Variants in CSGALNACT1 observed in about 807,000 individuals in gnomAD.
The protein encoded by CSGALNACT1 is chondroitin sulfate N-acetylgalactosaminyltransferase 1.
A neutral mutation model predicts 51.0 loss-of-function variants in CSGALNACT1; 52 were observed. The ratio of observed to expected loss-of-function variants is 1.02; its 90% CI spans 0.82 to 1.29. The LOEUF is 1.29. Ranked by LOEUF, CSGALNACT1 falls within the 50% of genes most tolerant of loss-of-function variation. CSGALNACT1 has a pLI of 0.00. For missense variants in CSGALNACT1, 935 were observed against 679.2 expected, an observed-to-expected ratio of 1.38 and a Z score of -4.19; for synonymous variants, 341 against 254.4, an observed-to-expected ratio of 1.34 and a Z score of -3.24.
At chr8:19,672,117 C>G (rs2059838985) in intron 1 of CSGALNACT1, among the ~76,000 whole-genome samples, 1 of 152,186 alleles carries the variant, frequency 6.6e-6, no homozygotes, top group South Asian at 2.1e-4. Flanking sequence ...TATCTTAAAG[C>G]AATGTGCTCA....
chr8:19,670,288 T>G lies in CSGALNACT1; in HGVS notation c.-544+12185A>C, dbSNP rs141900107. ...TATAACTAGTAGAATCTCAGTGAGC[T>G]TTTGTGGAATTGAATAATCTGTTAC... On this transcript the variant is annotated intron_variant, in intron 1 of 9. Coordinates refer to the CSGALNACT1 transcript ENST00000332246. Among the ~76,000 whole-genome samples the G allele has an allele frequency of 4.2e-3, 634 of 152,266 alleles. 5 individuals carry two copies. Among genetic ancestry groups the G allele is most frequent in the African/African-American group, 0.014 (600 of 41,552 alleles).
At chr8:19,712,516 A>C (rs1177844394) in intron 1 of CSGALNACT1, among the ~76,000 whole-genome samples, 1 of 151,626 alleles carries the variant, frequency 6.6e-6, no homozygotes, top group African/African-American at 2.4e-5. Flanking sequence ...CTGAACATTC[A>C]CTCTGCTTGT....
chr8:19,474,513 GGA>G, intron 4 of CSGALNACT1, among the ~76,000 whole-genome samples: 1 of 152,224 alleles, frequency 6.6e-6, no homozygotes, highest in African/African-American at 2.4e-5. Flanking sequence ...GATAGTGAAT[GGA>G]GAGATATGCT....
intron 3 of CSGALNACT1, among the ~76,000 whole-genome samples, chr8:19,550,913 C>A (rs1482243343): frequency 6.6e-6 from 1 of 152,156 alleles, no homozygotes; most frequent in African/African-American, 2.4e-5. Flanking sequence ...GTTTCCAAGT[C>A]CAAGGCTTCT....
rs1055576699 is a variant in CSGALNACT1, at chr8:19,659,686, A to G, written c.-544+22787T>C. Among the ~76,000 whole-genome samples, 11 of 152,308 alleles carry G rather than the reference A, an allele frequency of 7.2e-5. No homozygotes were observed. The East Asian group carries it at 2.1e-3, about 29-fold the overall frequency. On this transcript the variant is annotated intron_variant, in intron 1 of 9. Coordinates refer to the CSGALNACT1 transcript ENST00000332246. ...CATATGAGTATAGAATACACATCCC[A>G]TGAATCTCTGCCTACATTATTGGCT...
chr8:19,635,984 T>C (rs4921663), intron 1 of CSGALNACT1, among the ~76,000 whole-genome samples: 78,539 of 152,100 alleles, frequency 0.52, 20,559 homozygotes, highest in Middle Eastern at 0.57. Context: ...CCTGCCTTGA[T>C]CTTCCAATGT....
chr8:19,446,138 G>A (rs1057406732), intron 5 of CSGALNACT1, among the ~76,000 whole-genome samples: 2 of 152,174 alleles, frequency 1.3e-5, no homozygotes, highest in African/African-American at 4.8e-5. Flanking sequence ...TGGTGCCAGT[G>A]CACTCCAGCC....
intron 3 of CSGALNACT1, among the ~76,000 whole-genome samples, chr8:19,514,510 T>TATATATATATATATAC (rs1422248108): frequency 2.4e-4 from 32 of 133,024 alleles, no homozygotes; most frequent in Non-Finnish European, 4.4e-4. Context: ...TATATATATA[T>TATATATATATATATAC]ACATGTATCT....
chr8:19,516,178 A>G (rs189797425), intron 3 of CSGALNACT1, among the ~76,000 whole-genome samples: 147 of 152,218 alleles, frequency 9.7e-4, no homozygotes, highest in Middle Eastern at 6.8e-3. Context: ...CATACAAAGC[A>G]CTTCACAAAT....
intron 5 of CSGALNACT1, among the ~76,000 whole-genome samples, chr8:19,440,656 A>T (rs1479870278): frequency 1.3e-5 from 2 of 152,130 alleles, no homozygotes; most frequent in Non-Finnish European, 2.9e-5. Flanking sequence ...GAAAACTGGC[A>T]CAAGACAGGG....
At chr8:19,499,159 T>A (rs2075995188) in intron 4 of CSGALNACT1, among the ~76,000 whole-genome samples, 1 of 152,062 alleles carries the variant, frequency 6.6e-6, no homozygotes, top group Admixed American at 6.5e-5. Flanking sequence ...AAATTAAAAA[T>A]CCCCAAATCC....
At chr8:19,602,987 T>C (rs1367729140), upstream of CSGALNACT1, among the ~76,000 whole-genome samples, 2 of 150,844 alleles carry the variant, frequency 1.3e-5, no homozygotes, top group Non-Finnish European at 2.9e-5. Context: ...TATATATATA[T>C]ACATACATAC....
intron 1 of CSGALNACT1, among the ~76,000 whole-genome samples, chr8:19,707,695 A>T (rs1008746879): frequency 1.1e-4 from 14 of 124,172 alleles, no homozygotes; most frequent in African/African-American, 3.9e-4. Context: ...CCACAAAAAA[A>T]CCCCTAAACT....
At chr8:19,414,421 T>C (rs577392624) in intron 8 of CSGALNACT1, among the ~76,000 whole-genome samples, 2 of 152,332 alleles carry the variant, frequency 1.3e-5, no homozygotes, top group South Asian at 2.1e-4. Flanking sequence ...GTTTAAATTA[T>C]AGTCATTCCT....
chr8:19,529,086 G>A (rs893883872), intron 3 of CSGALNACT1, among the ~76,000 whole-genome samples: 5 of 152,182 alleles, frequency 3.3e-5, no homozygotes, highest in Non-Finnish European at 7.3e-5. Flanking sequence ...GGACAGCAAC[G>A]TCAGATGCTG....
chr8:19,714,988 G>T (rs1052261794), intron 1 of CSGALNACT1, among the ~76,000 whole-genome samples: 4 of 152,042 alleles, frequency 2.6e-5, no homozygotes, highest in African/African-American at 7.2e-5. Flanking sequence ...ACTTGTATTA[G>T]TCCGTTTTTA....
intron 4 of CSGALNACT1, among the ~76,000 whole-genome samples, chr8:19,502,423 T>C (rs2076577443): frequency 6.6e-6 from 1 of 152,224 alleles, no homozygotes; most frequent in African/African-American, 2.4e-5. Flanking sequence ...ATCATGCCAC[T>C]TCTCTCACAA....
chr8:19,646,070 C>G (rs2057246898), intron 1 of CSGALNACT1, among the ~76,000 whole-genome samples: 2 of 151,864 alleles, frequency 1.3e-5, no homozygotes. Context: ...CTAGAATAAG[C>G]CTATTGAACG....
chr8:19,591,851 T>C (rs985042147), intron 2 of CSGALNACT1, among the ~76,000 whole-genome samples: 1 of 152,194 alleles, frequency 6.6e-6, no homozygotes, highest in African/African-American at 2.4e-5. Context: ...ATATTTAGTA[T>C]TTAATATATT....
Sources: allele counts gnomAD v4.1 joint callset (sites outside exome capture counted in the v4.1 genomes callset), GRCh38; gene constraint gnomAD v4.1.1; transcripts MANE v1.5; gene names NCBI Gene and HGNC (gene_info 2026-07-23, HGNC 2026-07-21).